The following SYNE2 variants were observed in gnomAD, a reference collection of about 807,000 sequenced individuals.
SYNE2 encodes the protein spectrin repeat containing nuclear envelope protein 2.
A neutral mutation model predicts 856.3 loss-of-function variants in SYNE2; 431 were observed. That is an observed-to-expected ratio of 0.50 (90% CI 0.47 to 0.55). The LOEUF (loss-of-function observed/expected upper bound fraction) is 0.55. Ranked by LOEUF, SYNE2 falls within the 20% of genes least tolerant of loss-of-function variation. The pLI is 0.00. For missense variants in SYNE2, 8,129 were observed against 8,023.2 expected (o/e 1.01, Z -0.50); for synonymous variants, 2,923 against 2,872.3 (o/e 1.02, Z -0.56).
At chr14:63,846,009 G>A (rs901751942) in intron 1 of SYNE2, among the ~76,000 whole-genome samples, 1 of 149,710 alleles carries the variant, frequency 6.7e-6, no homozygotes, top group African/African-American at 2.5e-5. Flanking sequence ...CTCCCAAAGT[G>A]CTGGGATTAC....
intron 110 of SYNE2, among the ~76,000 whole-genome samples, chr14:64,220,178 C>A (rs2098687976): frequency 6.6e-6 from 1 of 152,182 alleles, no homozygotes; most frequent in Non-Finnish European, 1.5e-5. Flanking sequence ...AAGCCAGTTG[C>A]AGAGCGGGGC....
At chr14:64,196,320 C>T (rs1474313229) in intron 99 of SYNE2, among the ~76,000 whole-genome samples, 1 of 152,184 alleles carries the variant, frequency 6.6e-6, no homozygotes, top group African/African-American at 2.4e-5. Context: ...CAAGCACTGC[C>T]ACTCAGGATT....
chr14:64,087,972 C>T lies in SYNE2; in HGVS notation c.11670+116C>T, dbSNP rs889728175. The T allele has an allele frequency of 1.1e-5, 12 of 1,115,490 alleles. No homozygotes were observed. The African/African-American group carries it at 1.9e-4, about 17-fold the overall frequency. The allele number at this position is 1,115,490 out of a possible 1,614,324, so 69.1% of individuals were successfully genotyped here. On this transcript the variant is annotated intron_variant, in intron 58 of 115. Coordinates refer to ENST00000555002, the MANE Select transcript of SYNE2 (RefSeq NM_182914.3). Reference sequence around the variant, plus strand: ...CCAAGGCGGGTGGATCACTTGAGGTCAGGAGTTCAAGACAAGCCTGGCCAA... The same window carrying T: ...CCAAGGCGGGTGGATCACTTGAGGTTAGGAGTTCAAGACAAGCCTGGCCAA...
chr14:63,956,961 C>G (rs1419755539), intron 8 of SYNE2, among the ~76,000 whole-genome samples: 2 of 152,154 alleles, frequency 1.3e-5, no homozygotes, highest in African/African-American at 4.8e-5. Context: ...AGCAGTTACT[C>G]TCCATTTACC....
At position 63,815,201 on chromosome 14, in the gene SYNE2, TATCC is replaced by T. The variant is rs367927339; in HGVS notation, c.-304-37297_-304-37294del. On this transcript the variant is annotated intron_variant, in intron 1 of 23. Transcript: ENST00000674003. ...ATATCCATATATATATCCATATATATATCCATATATATATCCATATATATATCCA... is the reference window on the plus strand; with the variant it reads ...ATATCCATATATATATCCATATATATATATATATATCCATATATATATCCA... 2.1e-3 allele frequency among the ~76,000 whole-genome samples: 115 copies of T among 54,636 alleles called. 9 individuals are homozygous for T. Among genetic ancestry groups the T allele is most frequent in the South Asian group, 0.015 (16 of 1,048 alleles). The allele number at this position is 54,636 out of a possible 152,430, so 35.8% of individuals were successfully genotyped here. A position where few individuals can be genotyped will look rare whatever the true frequency, so the allele number is the denominator to read the frequency against.
intron 1 of SYNE2, among the ~76,000 whole-genome samples, chr14:63,813,128 T>C (rs912365214): frequency 6.6e-6 from 1 of 152,146 alleles, no homozygotes; most frequent in Non-Finnish European, 1.5e-5. Context: ...AAGTGTAAAA[T>C]TTTTAGAGTT....
intron 60 of SYNE2, among the ~76,000 whole-genome samples, chr14:64,092,410 T>C (rs934867529): frequency 2.0e-5 from 3 of 152,180 alleles, no homozygotes; most frequent in Admixed American, 2.0e-4. Context: ...CTACTTTAGA[T>C]ATTGTAAGTA....
chr14:63,904,591 TGTTA>T (rs1016894226), intron 1 of SYNE2, among the ~76,000 whole-genome samples: 20 of 152,296 alleles, frequency 1.3e-4, no homozygotes, highest in Middle Eastern at 3.4e-3. Flanking sequence ...CATTTTTTCA[TGTTA>T]GTTGGCCACT....
At chr14:63,786,218 C>T (rs1566565415) in intron 1 of SYNE2, among the ~76,000 whole-genome samples, 1 of 150,964 alleles carries the variant, frequency 6.6e-6, no homozygotes, top group East Asian at 1.9e-4. Flanking sequence ...CCACTGCACT[C>T]CAGTCTGGGC....
At chr14:64,104,527 G>A (rs2097758912) in intron 64 of SYNE2, among the ~76,000 whole-genome samples, 2 of 144,628 alleles carry the variant, frequency 1.4e-5, no homozygotes, top group African/African-American at 5.2e-5. Context: ...TCAGCTCACT[G>A]CAACCTCTGC....
In SYNE2 at chr14:64,215,193, C is replaced by T. The variant is rs148392470; in HGVS notation, c.19334-93C>T. Reference sequence around the variant, plus strand: ...TTAAAAAAATAAAGGGTAGTTTTCTCCTTCCAGCTGACAATGTTTCTACTG... The same window carrying T: ...TTAAAAAAATAAAGGGTAGTTTTCTTCTTCCAGCTGACAATGTTTCTACTG... On this transcript the variant is annotated intron_variant, in intron 106 of 115. Coordinates refer to ENST00000555002, the MANE Select transcript of SYNE2 (RefSeq NM_182914.3). 25 of 1,190,482 alleles carry T rather than the reference C, an allele frequency of 2.1e-5. No individual in the cohort carries two copies. The African/African-American group carries it at 3.2e-4, about 15-fold the overall frequency. 73.7% of individuals were successfully genotyped at this position (1,190,482 alleles called of 1,614,324 possible).
chr14:64,049,695 G>A lies in SYNE2; in HGVS notation c.7462G>A (p.Ala2488Thr), dbSNP rs368547895. ...TECLNKTETGALVLHNIGYSA... is the reference protein window; with the variant it reads ...TECLNKTETGTLVLHNIGYSA... ...ATGTCTTAACAAAACAGAAACTGGG[G>A]CCTTGGTTCTCCACAATATAGGATA... The change falls in exon 47 of 116, where the codon GCC (alanine) becomes ACC (threonine). Residue 2488 changes from alanine (A) to threonine (T), a missense_variant. Transcript: ENST00000555002. The A allele has an allele frequency of 6.8e-6, 11 of 1,614,004 alleles. No homozygotes were observed. In the African/African-American group the frequency reaches 1.5e-4, roughly 22 times the overall value.
chr14:64,083,258 C>A (rs192922910), intron 57 of SYNE2, among the ~76,000 whole-genome samples: 1 of 151,650 alleles, frequency 6.6e-6, no homozygotes. Context: ...TTTGCCTTCC[C>A]CCACTTGGAT....
At chr14:64,093,571 T>A in intron 61 of SYNE2, 91 bp downstream of exon 61, 1 of 1,436,612 alleles carries the variant, frequency 7.0e-7, no homozygotes, top group Non-Finnish European at 9.8e-7. Flanking sequence ...TAGGAGCCTT[T>A]CTAGTGGTGC....
chr14:64,177,305 A>G, intron 95 of SYNE2, 53 bp from the exon 96 acceptor site: 1 of 1,606,290 alleles, frequency 6.2e-7, no homozygotes, highest in Middle Eastern at 1.7e-4. Context: ...CTATTTCTAC[A>G]ATTCATTCTA....
intron 81 of SYNE2, 143 bp from the exon 82 acceptor site, chr14:64,141,799 G>A: frequency 1.1e-6 from 1 of 934,300 alleles, no homozygotes; most frequent in Non-Finnish European, 1.6e-6. Flanking sequence ...TTCTAAGTTT[G>A]AATGCTGGGT....
rs2096081507 is a variant in SYNE2, at chr14:63,948,736, ATAGATATGTG to A, written c.409-1087_409-1078del. 5.0e-5 allele frequency among the ~76,000 whole-genome samples: 3 copies of A among 60,248 alleles called. 1 individual carries two copies. Among genetic ancestry groups the A allele is most frequent in the Admixed American group, 2.2e-4 (1 of 4,498 alleles). 39.5% of individuals were successfully genotyped at this position (60,248 alleles called of 152,430 possible). On this transcript the variant is annotated intron_variant, in intron 6 of 115. Coordinates refer to ENST00000555002, the MANE Select transcript of SYNE2 (RefSeq NM_182914.3). ...TATATATGTGTGTATATATATGTGT[ATAGATATGTG>A]TGTGTATATATATGTATATATATGT...
At chr14:64,079,356 A>G (rs1175438343) in intron 55 of SYNE2, among the ~76,000 whole-genome samples, 1 of 152,240 alleles carries the variant, frequency 6.6e-6, no homozygotes, top group Non-Finnish European at 1.5e-5. Flanking sequence ...TTAATTCGCA[A>G]GTAAACTCCA....
chr14:64,188,736 G>A, intron 98 of SYNE2, 28 bp downstream of exon 98: 1 of 1,613,094 alleles, frequency 6.2e-7, no homozygotes, highest in Non-Finnish European at 8.5e-7. Flanking sequence ...GGTGGATGTA[G>A]TTATGACTAC....
Sources: allele counts gnomAD v4.1 joint callset (sites outside exome capture counted in the v4.1 genomes callset), GRCh38; gene constraint gnomAD v4.1.1; transcripts MANE v1.5; gene names NCBI Gene and HGNC (gene_info 2026-07-23, HGNC 2026-07-21).